PBK: variants seen among roughly 807,000 people sequenced by gnomAD.
The protein encoded by PBK is PDZ binding kinase.
In PBK, 22 loss-of-function variants were observed where a neutral mutation model predicts 33.5. The observed-to-expected ratio is 0.66, with a 90% confidence interval of 0.47 to 0.94. PBK has a LOEUF of 0.94. Among genes scored for constraint, PBK ranks in the 40% least tolerant of loss-of-function variants. The pLI, the probability that PBK is intolerant of heterozygous loss-of-function variation, is 0.00. For synonymous variants in PBK, 129 were observed against 123.8 expected, an observed-to-expected ratio of 1.04 and a Z score of -0.28; for missense variants, 376 against 383.4, an observed-to-expected ratio of 0.98 and a Z score of 0.16.
At chr8:27,833,255 G>T in intron 1 of PBK, 122 bp from the exon 2 acceptor site, 2 of 524,336 alleles carry the variant, frequency 3.8e-6, no homozygotes, top group East Asian at 3.6e-5. Context: ...ACTTTGGGAG[G>T]CTGAGGTGGG....
At chr8:27,816,377 AT>A (rs1183832811) in intron 6 of PBK, among the ~76,000 whole-genome samples, 496 of 112,470 alleles carry the variant, frequency 4.4e-3, no homozygotes, top group East Asian at 6.8e-3. Context: ...TTATTTATTT[AT>A]TTTAATTTAT....
intron 6 of PBK, among the ~76,000 whole-genome samples, chr8:27,814,169 G>A (rs1260443732): frequency 6.6e-6 from 1 of 152,102 alleles, no homozygotes; most frequent in Non-Finnish European, 1.5e-5. Context: ...GAAATCAACA[G>A]TAAAACATCT....
chr8:27,810,333 A>C lies in PBK; in HGVS notation c.941T>G (p.Ile314Ser), dbSNP rs745563063. Residue 314 changes from isoleucine to serine, a missense_variant, in exon 8 of 8, where the codon ATT becomes AGT. Ile to Ser is a moderately radical substitution (Grantham distance 142). Coordinates refer to ENST00000301905, the MANE Select transcript of PBK (RefSeq NM_018492.4). ...GACATCTGTTTCCAGAGCTTCAACA[A>C]TGTGTGCAGCAGAAGGACGATCTTT... ...DPKDRPSAAH[I>S]VEALETDV 6.2e-7 allele frequency: 1 copy of C among 1,612,760 alleles called. No individual in the cohort carries two copies. The highest frequency in any genetic ancestry group is 8.5e-7 in the Non-Finnish European group (1 of 1,178,886).
rs1481590442 is a variant in PBK at position 27,809,983 on chromosome 8, A to G, written c.*322T>C. ...CATTAAAATATAGAATATTTAAGAA[A>G]GATCATTAATAAAAGTAATGGTCAT... On this transcript the variant is annotated 3_prime_UTR_variant, in exon 8 of 8. Transcript: ENST00000301905. 3.8e-6 allele frequency: 1 copy of G among 266,062 alleles called. No individual in the cohort carries two copies. Among genetic ancestry groups the G allele is most frequent in the East Asian group, 1.1e-4 (1 of 9,010 alleles). The allele number at this position is 266,062 out of a possible 1,614,324, so 16.5% of individuals were successfully genotyped here. A position where few individuals can be genotyped will look rare whatever the true frequency, so the allele number is the denominator to read the frequency against.
At chr8:27,818,861 T>G (rs6991862) in intron 6 of PBK, among the ~76,000 whole-genome samples, 23,896 of 152,050 alleles carry the variant, frequency 0.16, 2,387 homozygotes, top group East Asian at 0.37. Flanking sequence ...TTTTCTACTG[T>G]TACTTTTTCC....
rs201290873 is a variant in PBK at position 27,820,628 on chromosome 8, C to T, written c.532G>A (p.Asp178Asn). The T allele has an allele frequency of 5.6e-5, 87 of 1,561,926 alleles. No homozygotes were observed. Among genetic ancestry groups the T allele is most frequent in the Middle Eastern group, 1.7e-4 (1 of 5,988 alleles). Residue 178 changes from aspartate to asparagine, a missense_variant, in exon 6 of 8, where the codon GAT becomes AAT. Asp to Asn is a conservative substitution (Grantham distance 23). Transcript: ENST00000301905. ...TCACAGATTTTAATTGTTTCAAAAT[C>T]GCCTTTAATTACAACATTTGAAGAC... ...IKSSNVVIKG[D>N]FETIKICDVG...
intron 1 of PBK, among the ~76,000 whole-genome samples, chr8:27,836,554 G>T (rs1348939848): frequency 1.3e-5 from 2 of 151,882 alleles, no homozygotes; most frequent in Non-Finnish European, 2.9e-5. Context: ...GAGAGAAGAG[G>T]GGTGAGCCCT....
chr8:27,826,543 G>GAAGCTTTTTGACTAAACCACATA (rs1166437147), intron 3 of PBK, among the ~76,000 whole-genome samples: 2 of 146,452 alleles, frequency 1.4e-5, no homozygotes, highest in East Asian at 2.3e-4. Context: ...TCAGCTATTT[G>GAAGCTTTTTGACTAAACCACATA]CCCAGCACTT....
At chr8:27,822,197 C>G in intron 5 of PBK, 122 bp downstream of exon 5, 1 of 730,920 alleles carries the variant, frequency 1.4e-6, no homozygotes, top group Non-Finnish European at 2.2e-6. Flanking sequence ...CCGCTAACCC[C>G]TTTTTGGAAC....
chr8:27,819,167 T>C (rs985288296), intron 6 of PBK, among the ~76,000 whole-genome samples: 1 of 152,154 alleles, frequency 6.6e-6, no homozygotes, highest in Non-Finnish European at 1.5e-5. Flanking sequence ...CCCAGCCATG[T>C]TTGATTGAAC....
At chr8:27,812,604 GAACTCA>G (rs1407721976) in intron 6 of PBK, 3 of 118,144 alleles carry the variant, frequency 2.5e-5, no homozygotes, top group African/African-American at 9.8e-5. Flanking sequence ...AATCTACAAA[GAACTCA>G]AACAAATTTA....
Position 27,820,598 on chromosome 8 carries a change from C to G in PBK, c.562G>C (p.Gly188Arg), listed in dbSNP as rs757687216. 2 of 1,580,674 alleles carry G rather than the reference C, an allele frequency of 1.3e-6. No individual in the cohort carries two copies. Among genetic ancestry groups the G allele is most frequent in the South Asian group, 2.3e-5 (2 of 88,868 alleles). ...TTTTCATCCAGTGGTAGAGAGACTC[C>G]TACATCACAGATTTTAATTGTTTCA... ...DFETIKICDV[G>R]VSLPLDENMT... The change falls in exon 6 of 8, where the codon GGA (glycine) becomes CGA (arginine). Residue 188 changes from glycine to arginine, a missense_variant. Coordinates refer to ENST00000301905, the MANE Select transcript of PBK (RefSeq NM_018492.4).
In PBK at chr8:27,820,667, G is replaced by T; in HGVS notation, c.493C>A (p.His165Asn). Reference sequence around the variant, plus strand: ...ACATTTGAAGACTTTATGTCTCCATGAAGCAGTTTCTTTTCTTGGTGCAGA... The same window carrying T: ...ACATTTGAAGACTTTATGTCTCCATTAAGCAGTTTCTTTTCTTGGTGCAGA... ...KYLHQEKKLL[H>N]GDIKSSNVVI... The change falls in exon 6 of 8, where the codon CAT (histidine) becomes AAT (asparagine). Residue 165 changes from histidine (H) to asparagine (N), a missense_variant. By Grantham distance (68) the His-to-Asn change is moderately conservative. Transcript: ENST00000301905. 6.4e-7 allele frequency: 1 copy of T among 1,563,906 alleles called. No homozygotes were observed. The highest frequency in any genetic ancestry group is 1.2e-5 in the South Asian group (1 of 86,444).
intron 1 of PBK, 150 bp from the exon 2 acceptor site, chr8:27,833,283 G>C: frequency 2.1e-6 from 1 of 475,088 alleles, no homozygotes; most frequent in East Asian, 4.1e-5. Context: ...CCTGAGGTCG[G>C]TGGATCACCT....
intron 7 of PBK, 122 bp from the exon 8 acceptor site, chr8:27,810,623 G>C (rs1010425899): frequency 1.6e-6 from 1 of 627,982 alleles, no homozygotes. Context: ...TTCTGCCACA[G>C]ACAGAATGGA....
chr8:27,816,343 C>CA (rs1554559819), intron 6 of PBK, among the ~76,000 whole-genome samples: 19 of 136,334 alleles, frequency 1.4e-4, no homozygotes, highest in African/African-American at 5.3e-4. Flanking sequence ...TCATCGAATA[C>CA]TATATATATA....
chr8:27,820,742 T>A, intron 5 of PBK, 48 bp from the exon 6 acceptor site: 4 of 1,059,218 alleles, frequency 3.8e-6, no homozygotes, highest in Non-Finnish European at 5.4e-6. Flanking sequence ...CACAAACTAA[T>A]AAAAAAATGT....
intron 6 of PBK, 26 bp from the exon 7 acceptor site, chr8:27,811,160 G>A: frequency 1.2e-6 from 2 of 1,611,520 alleles, no homozygotes; most frequent in South Asian, 1.1e-5. Context: ...TGGTTATGAA[G>A]GCAGGAGCTA....
At chr8:27,825,283 CTT>C (rs2128964181) in intron 3 of PBK, among the ~76,000 whole-genome samples, 2 of 152,226 alleles carry the variant, frequency 1.3e-5, no homozygotes, top group East Asian at 3.9e-4. Flanking sequence ...CTACAAAAAA[CTT>C]TTAAAAGTCA....
Sources: gnomAD v4.1 joint callset for allele counts (sites outside exome capture counted in the v4.1 genomes callset) on GRCh38, gnomAD v4.1.1 for gene constraint, MANE v1.5 for transcripts, NCBI Gene and HGNC (gene_info 2026-07-23, HGNC 2026-07-21) for gene names.